Variants in MARCHF7 observed in about 807,000 individuals in gnomAD.
MARCHF7 encodes E3 ubiquitin-protein ligase MARCHF7.
Under a neutral mutation model 76.5 loss-of-function variants are expected in MARCHF7, and 20 were observed. The observed-to-expected ratio is 0.26, with a 90% CI of 0.18 to 0.38. The LOEUF is 0.38. Ranked by LOEUF, MARCHF7 falls within the 10% of genes least tolerant of loss-of-function variation. The pLI is 1.00. For synonymous variants in MARCHF7, 295 were observed against 293.0 expected (o/e 1.01, Z -0.07); for missense variants, 797 against 812.9 (o/e 0.98, Z 0.24).
chr2:159,736,678 T>C (rs1703494252), intron 4 of MARCHF7, among the ~76,000 whole-genome samples: 1 of 152,230 alleles, frequency 6.6e-6, no homozygotes, highest in South Asian at 2.1e-4. Flanking sequence ...GTAAATGATT[T>C]CATTGACTAT....
chr2:159,757,016 C>T (rs538135618), intron 8 of MARCHF7, among the ~76,000 whole-genome samples: 6 of 152,266 alleles, frequency 3.9e-5, no homozygotes, highest in African/African-American at 1.4e-4. Flanking sequence ...CCTCAGCCTC[C>T]TAAGTTAGCT....
chr2:159,732,598 A>G (rs556316958), intron 4 of MARCHF7, among the ~76,000 whole-genome samples: 1 of 152,252 alleles, frequency 6.6e-6, no homozygotes, highest in Non-Finnish European at 1.5e-5. Context: ...GCGCAGCCAC[A>G]ACTTTCTGGG....
chr2:159,737,891 C>G (rs1703651737), intron 4 of MARCHF7, among the ~76,000 whole-genome samples: 1 of 152,202 alleles, frequency 6.6e-6, no homozygotes, highest in Non-Finnish European at 1.5e-5. Context: ...CAGCTGTCAG[C>G]ACTTGGAGTG....
chr2:159,747,916 A>G lies in MARCHF7; in HGVS notation c.626A>G (p.His209Arg). 1.9e-6 allele frequency: 3 copies of G among 1,614,200 alleles called. No homozygotes were observed. Among genetic ancestry groups the G allele is most frequent in the South Asian group, 2.2e-5 (2 of 91,084 alleles). ...ACAAACCACCAATTGCCTTCTGAAC[A>G]TCAGACCATACTAAGTTCTAGGGAC... ...SSTNHQLPSE[H>R]QTILSSRDSR... The change falls in exon 7 of 12, where the codon CAT (histidine) becomes CGT (arginine). Residue 209 changes from histidine (H) to arginine (R), a missense_variant. Physicochemically the swap from His to Arg is conservative, Grantham distance 29. Around this residue, in one of 3 missense-constraint regions of MARCHF7, gnomAD observed 643 missense variants for 631.5 expected, o/e 1.02. Transcript: ENST00000409175.
Position 159,743,139 on chromosome 2 carries a change from T to C in MARCHF7, c.232T>C (p.Ser78Pro), listed in dbSNP as rs1222853103. The C allele has an allele frequency of 1.2e-6, 2 of 1,614,182 alleles. No homozygotes were observed. Among genetic ancestry groups the C allele is most frequent in the East Asian group, 2.2e-5 (1 of 44,886 alleles). ...ATCTGAGATAACTCAGGGAGCACGCTCAAGATCGCAGAACCAGCAACGGGA... is the reference window on the plus strand; with the variant it reads ...ATCTGAGATAACTCAGGGAGCACGCCCAAGATCGCAGAACCAGCAACGGGA... Reference protein sequence around the residue: ...SESEITQGARSRSQNQQRDHD... With the variant: ...SESEITQGARPRSQNQQRDHD... Residue 78 changes from serine to proline, a missense_variant, in exon 5 of 12, where the codon TCA becomes CCA. Physicochemically the swap from Ser to Pro is moderately conservative, Grantham distance 74. This residue lies in a region of MARCHF7 where 643 missense variants were observed against 631.5 expected (regional missense o/e 1.02). Transcript: ENST00000409175.
Position 159,769,271 on chromosome 2 carries a change from C to T in MARCHF7, c.*1929C>T, listed in dbSNP as rs1406141557. ...GTTTCTACATTCTGGATGTAGTAAA[C>T]AAGCCTGCCTGTGTAATCCAATTAT... On this transcript the variant is annotated 3_prime_UTR_variant, in exon 12 of 12. Coordinates refer to ENST00000409175, the MANE Select transcript of MARCHF7 (RefSeq NM_001282805.2). 3 of 152,182 alleles carry T rather than the reference C, an allele frequency of 2.0e-5. No individual in the cohort carries two copies. The highest frequency in any genetic ancestry group is 4.4e-5 in the Non-Finnish European group (3 of 68,028). 9.4% of individuals were successfully genotyped at this position (152,182 alleles called of 1,614,324 possible). A position where few individuals can be genotyped will look rare whatever the true frequency, so the allele number is the denominator to read the frequency against.
intron 9 of MARCHF7, 51 bp downstream of exon 9, chr2:159,759,386 C>A: frequency 2.2e-6 from 2 of 893,866 alleles, no homozygotes; most frequent in Non-Finnish European, 3.6e-6. Flanking sequence ...GCTTCAAGGA[C>A]AGCTCTTGAA....
intron 3 of MARCHF7, among the ~76,000 whole-genome samples, chr2:159,719,514 A>G (rs1701398510): frequency 6.6e-6 from 1 of 152,192 alleles, no homozygotes; most frequent in East Asian, 1.9e-4. Flanking sequence ...TATGTATTGA[A>G]TCTGACTTTT....
chr2:159,745,975 G>A (rs2125582227), intron 6 of MARCHF7, 38 bp downstream of exon 6: 1 of 1,551,020 alleles, frequency 6.4e-7, no homozygotes, highest in Non-Finnish European at 8.8e-7. Flanking sequence ...TTCTCATAAT[G>A]TTCCATTTTC....
At chr2:159,743,748 A>AC (rs369906030) in intron 5 of MARCHF7, among the ~76,000 whole-genome samples, 12 of 150,570 alleles carry the variant, frequency 8.0e-5, no homozygotes, top group African/African-American at 2.7e-4. Context: ...AAAAAAAAAA[A>AC]AAGAGAGAAT....
chr2:159,761,033 T>C (rs1388300652), intron 9 of MARCHF7, among the ~76,000 whole-genome samples: 1 of 151,738 alleles, frequency 6.6e-6, no homozygotes, highest in Non-Finnish European at 1.5e-5. Context: ...TTTAATTTTT[T>C]TTTTTTTTTT....
chr2:159,746,490 C>T (rs1704906729), intron 6 of MARCHF7, among the ~76,000 whole-genome samples: 2 of 152,244 alleles, frequency 1.3e-5, no homozygotes, highest in Admixed American at 1.3e-4. Flanking sequence ...CAGCCTTCGC[C>T]TCCTGGGTTC....
chr2:159,732,793 A>G, intron 4 of MARCHF7: 3 of 953,722 alleles, frequency 3.1e-6, no homozygotes, highest in Non-Finnish European at 3.7e-6. Context: ...CAGCCTCCCA[A>G]AGTGATGGGA....
chr2:159,726,842 C>G (rs1166742030), intron 3 of MARCHF7, among the ~76,000 whole-genome samples: 1 of 152,118 alleles, frequency 6.6e-6, no homozygotes, highest in African/African-American at 2.4e-5. Context: ...TATGATTTGA[C>G]TATAATTATT....
Position 159,768,908 on chromosome 2 carries a change from C to G in MARCHF7, c.*1566C>G, listed in dbSNP as rs973804870. 2.0e-5 allele frequency: 3 copies of G among 152,126 alleles called. No homozygotes were observed. Among genetic ancestry groups the G allele is most frequent in the Non-Finnish European group, 4.4e-5 (3 of 68,002 alleles). The allele number at this position is 152,126 out of a possible 1,614,324, so 9.4% of individuals were successfully genotyped here. A position where few individuals can be genotyped will look rare whatever the true frequency, so the allele number is the denominator to read the frequency against. On this transcript the variant is annotated 3_prime_UTR_variant, in exon 12 of 12. Transcript: ENST00000409175. ...ATTTAACTAGATGGTACAAAACATT[C>G]ATTGGTATGCACATAATTCTGTATA...
At chr2:159,766,955 A>G (rs990435699) in intron 11 of MARCHF7, among the ~76,000 whole-genome samples, 3 of 152,080 alleles carry the variant, frequency 2.0e-5, no homozygotes, top group Non-Finnish European at 2.9e-5. Flanking sequence ...CTTTTTTCCT[A>G]GTGTTTATAT....
At chr2:159,729,964 TAA>T (rs1407232826) in intron 4 of MARCHF7, among the ~76,000 whole-genome samples, 1 of 152,260 alleles carries the variant, frequency 6.6e-6, no homozygotes, top group Non-Finnish European at 1.5e-5. Flanking sequence ...ATGAAAGTGC[TAA>T]AAGTCTTTTA....
chr2:159,752,111 A>G (rs62173033), intron 7 of MARCHF7, among the ~76,000 whole-genome samples: 11,336 of 152,264 alleles, frequency 0.074, 869 homozygotes, highest in African/African-American at 0.19. Flanking sequence ...TCATTTGCCA[A>G]TGACAAAATT....
intron 4 of MARCHF7, among the ~76,000 whole-genome samples, chr2:159,736,710 G>T (rs1703499388): frequency 6.6e-6 from 1 of 152,094 alleles, no homozygotes; most frequent in Non-Finnish European, 1.5e-5. Context: ...ACCTCTTGTT[G>T]GAAAGGTGGT....
Sources: gnomAD v4.1 joint callset for allele counts (sites outside exome capture counted in the v4.1 genomes callset) on GRCh38, gnomAD v4.1.1 for gene constraint, gnomAD v4.1.1 regional missense constraint, MANE v1.5 for transcripts, NCBI Gene and HGNC (gene_info 2026-07-23, HGNC 2026-07-21) for gene names.